Variants in CDH6 observed in about 807,000 individuals in gnomAD.
CDH6 encodes the protein cadherin 6, also known as cadherin-6.
Under a neutral mutation model 78.0 loss-of-function variants are expected in CDH6, and 31 were observed. The observed-to-expected ratio is 0.40, with a 90% CI of 0.30 to 0.54. CDH6 has a LOEUF of 0.54. CDH6 is among the 20% of genes least tolerant of loss of function. The probability of loss-of-function intolerance (pLI) is 0.56; values close to 1 mark genes in which losing one functional copy is unlikely to be tolerated. For synonymous variants in CDH6, 376 were observed against 368.8 expected, an observed-to-expected ratio of 1.02 and a Z score of -0.23; for missense variants, 724 against 975.9, an observed-to-expected ratio of 0.74 and a Z score of 3.44.
At chr5:31,210,651 C>G (rs1443836154) in intron 1 of CDH6, among the ~76,000 whole-genome samples, 2 of 152,118 alleles carry the variant, frequency 1.3e-5, no homozygotes, top group African/African-American at 4.8e-5. Context: ...TGCTCAAGTC[C>G]CTTATATAAA....
chr5:31,318,245 T>C (rs1010268739), intron 11 of CDH6: 4 of 571,628 alleles, frequency 7.0e-6, no homozygotes, highest in Non-Finnish European at 1.2e-5. Context: ...CGTTGTGTAA[T>C]TTTTTTACTT....
intron 2 of CDH6, among the ~76,000 whole-genome samples, chr5:31,270,688 T>C (rs553619471): frequency 6.6e-6 from 1 of 152,118 alleles, no homozygotes; most frequent in Non-Finnish European, 1.5e-5. Context: ...TCCTTTTTTT[T>C]ATTTTATTTA....
At chr5:31,222,418 C>T (rs1448856842) in intron 1 of CDH6, among the ~76,000 whole-genome samples, 1 of 152,024 alleles carries the variant, frequency 6.6e-6, no homozygotes, top group South Asian at 2.1e-4. Flanking sequence ...TCATATGAAT[C>T]AAATTTTATG....
At position 31,323,126 on chromosome 5, in the gene CDH6, C is replaced by T; in HGVS notation, c.2191C>T (p.Pro731Ser). The change falls in exon 12 of 12, where the codon CCA becomes TCA. Residue 731 changes from proline to serine, a missense_variant. By Grantham distance (74) the Pro-to-Ser change is moderately conservative. This residue lies in a region of CDH6 where 220 missense variants were observed against 240.6 expected (regional missense o/e 0.91). Transcript: ENST00000265071. ...KENDTDPTAP[P>S]YDSLATYAYE... is the part of the protein sequence containing the mutation. The stretch of plus-strand genomic sequence containing the variant: ...AAATGACACGGACCCCACTGCCCCG[C>T]CATACGACTCCTTGGCCACTTACGC... 6.2e-7 allele frequency: 1 copy of T among 1,614,174 alleles called. No individual in the cohort carries two copies. Among genetic ancestry groups the T allele is most frequent in the East Asian group, 2.2e-5 (1 of 44,866 alleles).
intron 11 of CDH6, among the ~76,000 whole-genome samples, chr5:31,319,797 C>T (rs992605720): frequency 6.6e-6 from 1 of 152,150 alleles, no homozygotes; most frequent in Non-Finnish European, 1.5e-5. Flanking sequence ...AATAAAACAA[C>T]AGTAAAAACA....
chr5:31,232,528 T>A lies in CDH6; in HGVS notation c.-128-34818T>A, dbSNP rs1003915410. 2.0e-5 allele frequency among the ~76,000 whole-genome samples: 3 copies of A among 152,218 alleles called. No homozygotes were observed. The South Asian group carries it at 6.2e-4, about 31-fold the overall frequency. Reference sequence around the variant, plus strand: ...TTAATCTCTACAAAACGTTTTTGGCTGCACCCTCGGTCCAGGACAGGAGTA... The same window carrying A: ...TTAATCTCTACAAAACGTTTTTGGCAGCACCCTCGGTCCAGGACAGGAGTA... On this transcript the variant is annotated intron_variant, in intron 1 of 11. Coordinates refer to ENST00000265071, the MANE Select transcript of CDH6 (RefSeq NM_004932.4).
chr5:31,300,448 G>A (rs1241044773), intron 5 of CDH6, among the ~76,000 whole-genome samples: 2 of 152,134 alleles, frequency 1.3e-5, no homozygotes, highest in Admixed American at 1.3e-4. Context: ...TGGATCAATA[G>A]GAAGTAGTTT....
At chr5:31,285,292 G>A (rs182359966) in intron 2 of CDH6, among the ~76,000 whole-genome samples, 1 of 152,256 alleles carries the variant, frequency 6.6e-6, no homozygotes, top group East Asian at 1.9e-4. Flanking sequence ...GCTCATATCG[G>A]TTGCTAAATC....
At chr5:31,205,827 G>T (rs986050376) in intron 1 of CDH6, among the ~76,000 whole-genome samples, 2 of 152,008 alleles carry the variant, frequency 1.3e-5, no homozygotes, top group Non-Finnish European at 2.9e-5. Flanking sequence ...AAGATGACTG[G>T]GAAAATGAAG....
intron 2 of CDH6, among the ~76,000 whole-genome samples, chr5:31,284,029 G>T (rs1278349644): frequency 3.3e-5 from 5 of 151,986 alleles, no homozygotes; most frequent in African/African-American, 9.7e-5. Context: ...TGCCCAGGCT[G>T]GTCTCAAACT....
intron 2 of CDH6, among the ~76,000 whole-genome samples, chr5:31,288,602 G>A (rs191118005): frequency 6.6e-6 from 1 of 152,120 alleles, no homozygotes; most frequent in South Asian, 2.1e-4. Flanking sequence ...ATGCAGTTAA[G>A]CCTCAATTTG....
At chr5:31,206,610 C>G (rs1219040021) in intron 1 of CDH6, among the ~76,000 whole-genome samples, 1 of 152,178 alleles carries the variant, frequency 6.6e-6, no homozygotes, top group Non-Finnish European at 1.5e-5. Context: ...CCCCTGTGCT[C>G]AGTTCTGCAG....
intron 4 of CDH6, among the ~76,000 whole-genome samples, chr5:31,298,745 A>G (rs193052086): frequency 1.4e-4 from 21 of 152,310 alleles, no homozygotes; most frequent in African/African-American, 5.1e-4. Context: ...ACAACCTAAC[A>G]ACAGAGATAA....
chr5:31,214,081 A>G (rs944930977), intron 1 of CDH6, among the ~76,000 whole-genome samples: 1 of 151,092 alleles, frequency 6.6e-6, no homozygotes, highest in African/African-American at 2.4e-5. Flanking sequence ...TGAAACGGCA[A>G]TGATTTACCA....
chr5:31,231,425 C>T (rs568748851), intron 1 of CDH6, among the ~76,000 whole-genome samples: 4 of 152,234 alleles, frequency 2.6e-5, no homozygotes, highest in Admixed American at 1.3e-4. Flanking sequence ...ATTTCATGGA[C>T]GCTTCCTGTC....
At chr5:31,253,483 A>G (rs1449178050) in intron 1 of CDH6, among the ~76,000 whole-genome samples, 1 of 152,090 alleles carries the variant, frequency 6.6e-6, no homozygotes, top group Non-Finnish European at 1.5e-5. Context: ...TCTTTCCTTT[A>G]TAAATTACCC....
chr5:31,329,063 CAA>C lies in CDH6; in HGVS notation c.*5757_*5758del. The C allele has an allele frequency of 4.8e-6, 1 of 206,788 alleles. No homozygotes were observed. Among genetic ancestry groups the C allele is most frequent in the East Asian group, 7.5e-5 (1 of 13,350 alleles). The allele number at this position is 206,788 out of a possible 1,614,324, so 12.8% of individuals were successfully genotyped here. On this transcript the variant is annotated 3_prime_UTR_variant, in exon 12 of 12. Coordinates refer to ENST00000265071, the MANE Select transcript of CDH6 (RefSeq NM_004932.4). ...ATGCAATTTAAAAAGTGATTTCTCA[CAA>C]AGAGTAAATATGCCTTTTGCAAATC...
At position 31,208,981 on chromosome 5, in the gene CDH6, ACC is replaced by A. The variant is rs145858098; in HGVS notation, c.-129+15097_-129+15098del. Among the ~76,000 whole-genome samples the A allele has an allele frequency of 5.5e-3, 839 of 152,324 alleles. 7 individuals carry two copies. The highest frequency in any genetic ancestry group is 0.019 in the African/African-American group (777 of 41,566). ...GCTTGGCAGTGAAACATGCAGTTCA[ACC>A]CAGCTCTATCTGAGCATGCCAACTG... On this transcript the variant is annotated intron_variant, in intron 1 of 11. Coordinates refer to ENST00000265071, the MANE Select transcript of CDH6 (RefSeq NM_004932.4).
In CDH6 at chr5:31,202,229, T is replaced by C. The variant is rs1178351939; in HGVS notation, c.-129+8343T>C. 2.6e-5 allele frequency among the ~76,000 whole-genome samples: 4 copies of C among 152,346 alleles called. No individual in the cohort carries two copies. The East Asian group carries it at 7.7e-4, about 29-fold the overall frequency. ...AGCAATTGCCTTCTAGTGTATAGTA[T>C]AGATTTCAGTCATTAAAATGAGCTT... On this transcript the variant is annotated intron_variant, in intron 1 of 11. Transcript: ENST00000265071.
Sources: allele counts gnomAD v4.1 joint callset (sites outside exome capture counted in the v4.1 genomes callset), GRCh38; gene constraint gnomAD v4.1.1; regional missense constraint gnomAD v4.1.1; transcripts MANE v1.5; gene names NCBI Gene and HGNC (gene_info 2026-07-23, HGNC 2026-07-21).